ANK2: variants seen among roughly 807,000 people sequenced by gnomAD.
The protein encoded by ANK2 is ankyrin-2.
Under a neutral mutation model 360.5 loss-of-function variants are expected in ANK2, and 83 were observed. That is an observed-to-expected ratio of 0.23 (90% CI 0.19 to 0.28). ANK2 has a LOEUF of 0.28. Ranked by LOEUF, ANK2 falls within the 10% of genes least tolerant of loss-of-function variation. The probability of loss-of-function intolerance (pLI) is 1.00; values close to 1 mark genes in which losing one functional copy is unlikely to be tolerated. For missense variants in ANK2, 4,201 were observed against 4,795.7 expected, an observed-to-expected ratio of 0.88 and a Z score of 3.66; for synonymous variants, 1,740 against 1,759.5, an observed-to-expected ratio of 0.99 and a Z score of 0.28.
At chr4:113,112,957 T>G (rs7682237) in intron 1 of ANK2, among the ~76,000 whole-genome samples, 101,751 of 151,946 alleles carry the variant, frequency 0.67, 34,312 homozygotes, top group South Asian at 0.69. Context: ...AGCAAGCTTT[T>G]CTTGGTAATT....
At chr4:112,966,939 C>G (rs1159984270) in intron 2 of ANK2, among the ~76,000 whole-genome samples, 1 of 152,004 alleles carries the variant, frequency 6.6e-6, no homozygotes. Context: ...TTGATGAGGG[C>G]CTTGGGGGGA....
At chr4:113,210,481 C>T (rs1225952087) in intron 4 of ANK2, among the ~76,000 whole-genome samples, 4 of 152,172 alleles carry the variant, frequency 2.6e-5, no homozygotes, top group Non-Finnish European at 5.9e-5. Flanking sequence ...CCAGTGATAT[C>T]AGCATTTGAT....
In ANK2 at chr4:113,098,383, C is replaced by T. The variant is rs187857546; in HGVS notation, c.84+48571C>T. On this transcript the variant is annotated intron_variant, in intron 1 of 45. Transcript: ENST00000357077. ...AAATCAAAGAGGGATGGATCATCAC[C>T]GTTGATTCCATGGATATTAAAAGAG... Among the ~76,000 whole-genome samples the T allele has an allele frequency of 3.4e-3, 511 of 151,952 alleles. 1 individual carries two copies. Among genetic ancestry groups the T allele is most frequent in the African/African-American group, 0.011 (474 of 41,498 alleles).
chr4:113,004,109 A>G (rs556695687), intron 2 of ANK2, among the ~76,000 whole-genome samples: 1 of 152,336 alleles, frequency 6.6e-6, no homozygotes, highest in East Asian at 1.9e-4. Flanking sequence ...CTAGAACATT[A>G]TTGTACACTA....
intron 1 of ANK2, among the ~76,000 whole-genome samples, chr4:112,895,195 C>G (rs1206056442): frequency 1.3e-5 from 2 of 152,192 alleles, no homozygotes; most frequent in African/African-American, 4.8e-5. Flanking sequence ...CATTGAACCA[C>G]TTAGAGTTGT....
chr4:112,796,732 C>G, the ANK2 span, among the ~76,000 whole-genome samples: 2 of 149,818 alleles, frequency 1.3e-5, no homozygotes, highest in East Asian at 3.9e-4. Flanking sequence ...TGTGATACAA[C>G]AAAGGCCTGT....
At position 113,373,300 on chromosome 4, in the gene ANK2, A is replaced by C. The variant is rs2096807664; in HGVS notation, c.11710A>C (p.Ile3904Leu). Residue 3904 changes from isoleucine to leucine, a missense_variant, in exon 45 of 46, where the codon ATT becomes CTT. Around this residue, in one of 4 missense-constraint regions of ANK2, gnomAD observed 2,642 missense variants for 2,714.5 expected, o/e 0.97. Transcript: ENST00000357077. ...TVVKKVTRKIIRRYVSSEGTE... is the reference protein window; with the variant it reads ...TVVKKVTRKILRRYVSSEGTE... ...TACATTTCAGGTTACTAGGAAAATCATTAGGCGGTATGTATCCTCTGAAGG... is the reference window on the plus strand; with the variant it reads ...TACATTTCAGGTTACTAGGAAAATCCTTAGGCGGTATGTATCCTCTGAAGG... The C allele has an allele frequency of 1.2e-6, 2 of 1,614,226 alleles. No homozygotes were observed. The highest frequency in any genetic ancestry group is 1.7e-6 in the Non-Finnish European group (2 of 1,180,026).
intron 1 of ANK2, among the ~76,000 whole-genome samples, chr4:112,892,913 A>AGGAT (rs1221933408): frequency 2.6e-5 from 4 of 152,214 alleles, no homozygotes; most frequent in Non-Finnish European, 5.9e-5. Flanking sequence ...GATGGCCTTT[A>AGGAT]GGATGCGTAG....
chr4:112,921,002 T>C (rs1475923511), intron 2 of ANK2, among the ~76,000 whole-genome samples: 1 of 152,164 alleles, frequency 6.6e-6, no homozygotes, highest in Non-Finnish European at 1.5e-5. Context: ...AGAGTGTTTT[T>C]AATGGTGATT....
At chr4:113,133,215 G>C (rs2096173118) in intron 1 of ANK2, among the ~76,000 whole-genome samples, 1 of 152,104 alleles carries the variant, frequency 6.6e-6, no homozygotes, top group African/African-American at 2.4e-5. Context: ...ACATTAGATG[G>C]AAGTCGAAAA....
At chr4:112,872,263 C>T (rs184585669) in intron 1 of ANK2, among the ~76,000 whole-genome samples, 1 of 152,134 alleles carries the variant, frequency 6.6e-6, no homozygotes, top group Admixed American at 6.5e-5. Flanking sequence ...CTCCTGGGCT[C>T]AAGCGATCCT....
chr4:112,994,513 T>C (rs2047885223), intron 2 of ANK2, among the ~76,000 whole-genome samples: 1 of 152,232 alleles, frequency 6.6e-6, no homozygotes, highest in African/African-American at 2.4e-5. Flanking sequence ...CTAATGAAGT[T>C]AAAGTACTCA....
the ANK2 span, among the ~76,000 whole-genome samples, chr4:112,795,801 A>ATT: frequency 0.42 from 57,269 of 137,590 alleles, 12,627 homozygotes; most frequent in East Asian, 0.8. Context: ...TGTGCCCAGC[A>ATT]TTTTTTTTTT....
At chr4:112,799,123 C>T in the ANK2 span, among the ~76,000 whole-genome samples, 1 of 152,188 alleles carries the variant, frequency 6.6e-6, no homozygotes, top group African/African-American at 2.4e-5. Flanking sequence ...CAAGATTCAT[C>T]CACAATGTAG....
the ANK2 span, among the ~76,000 whole-genome samples, chr4:112,772,042 G>A: frequency 2.6e-5 from 4 of 152,104 alleles, no homozygotes; most frequent in Non-Finnish European, 5.9e-5. Flanking sequence ...AATCCTTCTC[G>A]CATATGCTGC....
At chr4:113,145,293 TAAAC>T (rs996308059) in intron 1 of ANK2, among the ~76,000 whole-genome samples, 1 of 152,176 alleles carries the variant, frequency 6.6e-6, no homozygotes, top group African/African-American at 2.4e-5. Context: ...AGAGTATACA[TAAAC>T]CAAGTAGTTT....
At chr4:112,933,522 C>G (rs1470021990) in intron 2 of ANK2, among the ~76,000 whole-genome samples, 1 of 145,192 alleles carries the variant, frequency 6.9e-6, no homozygotes, top group African/African-American at 2.5e-5. Flanking sequence ...TTTTTTGAGG[C>G]GGAGTGTTGC....
At chr4:113,288,295 T>A in intron 19 of ANK2, 93 bp from the exon 20 acceptor site, 1 of 1,037,354 alleles carries the variant, frequency 9.6e-7, no homozygotes, top group South Asian at 1.3e-5. Context: ...TAATAACTGA[T>A]ACTCTACCCA....
chr4:113,109,325 T>G (rs1319396715), intron 1 of ANK2, among the ~76,000 whole-genome samples: 2 of 152,210 alleles, frequency 1.3e-5, no homozygotes, highest in African/African-American at 4.8e-5. Context: ...GCTGTACACC[T>G]GGTTGTCTTT....
Sources: allele counts gnomAD v4.1 joint callset (sites outside exome capture counted in the v4.1 genomes callset), GRCh38; gene constraint gnomAD v4.1.1; regional missense constraint gnomAD v4.1.1; transcripts MANE v1.5; gene names NCBI Gene and HGNC (gene_info 2026-07-23, HGNC 2026-07-21).